GALNT13: variants seen among roughly 807,000 people sequenced by gnomAD.
GALNT13 encodes the protein polypeptide N-acetylgalactosaminyltransferase 13.
Under a neutral mutation model 64.2 loss-of-function variants are expected in GALNT13, and 28 were observed. The observed-to-expected ratio is 0.44, with a 90% CI of 0.32 to 0.60. GALNT13 has a LOEUF of 0.60. Among genes scored for constraint, GALNT13 ranks in the 20% least tolerant of loss-of-function variants. The probability of loss-of-function intolerance (pLI) is 0.05; values close to 1 mark genes in which losing one functional copy is unlikely to be tolerated. For synonymous variants in GALNT13, 214 were observed against 224.6 expected, an observed-to-expected ratio of 0.95 and a Z score of 0.42; for missense variants, 577 against 669.8, an observed-to-expected ratio of 0.86 and a Z score of 1.53.
intron 4 of GALNT13, among the ~76,000 whole-genome samples, chr2:154,201,530 C>T (rs1005423837): frequency 2.0e-5 from 3 of 152,022 alleles, no homozygotes; most frequent in Non-Finnish European, 2.9e-5. Flanking sequence ...AAGTGTCATG[C>T]GATTGGGCCC....
At chr2:153,760,737 T>C in the GALNT13 span, among the ~76,000 whole-genome samples, 1 of 152,126 alleles carries the variant, frequency 6.6e-6, no homozygotes, top group African/African-American at 2.4e-5. Context: ...ATATGTCTAT[T>C]ACATCCGTTT....
At chr2:153,246,991 T>C in the GALNT13 span, among the ~76,000 whole-genome samples, 1 of 152,148 alleles carries the variant, frequency 6.6e-6, no homozygotes, top group Non-Finnish European at 1.5e-5. Flanking sequence ...AAGCAGGGGT[T>C]GCAATCCTAG....
chr2:154,027,881 G>A (rs1459999082), intron 3 of GALNT13, among the ~76,000 whole-genome samples: 1 of 152,038 alleles, frequency 6.6e-6, no homozygotes, highest in East Asian at 1.9e-4. Context: ...AACAGTATTT[G>A]TTGTAAAAAT....
At chr2:153,590,904 G>A in the GALNT13 span, among the ~76,000 whole-genome samples, 1 of 152,034 alleles carries the variant, frequency 6.6e-6, no homozygotes, top group South Asian at 2.1e-4. Context: ...TTAGAAACTG[G>A]AATGAGATAA....
chr2:153,163,936 T>A, the GALNT13 span, among the ~76,000 whole-genome samples: 63 of 149,662 alleles, frequency 4.2e-4, no homozygotes, highest in East Asian at 0.012. Context: ...GAGAATGGCG[T>A]GAACCCGGGA....
intron 9 of GALNT13, among the ~76,000 whole-genome samples, chr2:154,344,243 T>C (rs1695935203): frequency 6.6e-6 from 1 of 151,930 alleles, no homozygotes; most frequent in Non-Finnish European, 1.5e-5. Context: ...AAATTAATGC[T>C]ACATAGTTAA....
chr2:153,892,955 A>C (rs1291559625), intron 1 of GALNT13, among the ~76,000 whole-genome samples: 1 of 152,080 alleles, frequency 6.6e-6, no homozygotes, highest in African/African-American at 2.4e-5. Flanking sequence ...GAGTGGCCTA[A>C]AGAAATTGGT....
At chr2:154,391,681 G>T (rs148108544) in intron 9 of GALNT13, among the ~76,000 whole-genome samples, 1 of 152,270 alleles carries the variant, frequency 6.6e-6, no homozygotes, top group Non-Finnish European at 1.5e-5. Context: ...TTATATTCCA[G>T]TCATTGTACT....
chr2:153,827,551 G>A, the GALNT13 span, among the ~76,000 whole-genome samples: 9 of 151,706 alleles, frequency 5.9e-5, no homozygotes, highest in East Asian at 3.9e-4. Context: ...GCATGAACCC[G>A]GGAGGCGGAG....
At chr2:153,961,931 T>C (rs1477376890) in intron 3 of GALNT13, among the ~76,000 whole-genome samples, 1 of 152,204 alleles carries the variant, frequency 6.6e-6, no homozygotes, top group African/African-American at 2.4e-5. Context: ...GCCTGGCTTA[T>C]AGTGGGTGCT....
At chr2:153,892,600 A>G (rs1454729900) in intron 1 of GALNT13, among the ~76,000 whole-genome samples, 1 of 152,058 alleles carries the variant, frequency 6.6e-6, no homozygotes, top group African/African-American at 2.4e-5. Flanking sequence ...ATTTCTAGAA[A>G]TTTATTTTTA....
chr2:154,105,634 A>T (rs1702573628), intron 3 of GALNT13, among the ~76,000 whole-genome samples: 1 of 152,158 alleles, frequency 6.6e-6, no homozygotes, highest in South Asian at 2.1e-4. Context: ...ACTCATTGTT[A>T]AGTGATGCAT....
the GALNT13 span, among the ~76,000 whole-genome samples, chr2:153,219,179 C>A: frequency 1.3e-5 from 2 of 152,202 alleles, no homozygotes; most frequent in African/African-American, 4.8e-5. Context: ...CCAATTTAGT[C>A]ATGTTCTCTG....
At chr2:153,200,215 C>A in the GALNT13 span, among the ~76,000 whole-genome samples, 1 of 152,326 alleles carries the variant, frequency 6.6e-6, no homozygotes, top group African/African-American at 2.4e-5. Flanking sequence ...ATACTGAAGA[C>A]AATCTAAGAC....
rs150478169 is a variant in GALNT13, at chr2:154,050,485, G to A, written c.143-89852G>A. On this transcript the variant is annotated intron_variant, in intron 3 of 12. Transcript: ENST00000392825. The stretch of plus-strand genomic sequence containing the variant: ...ATGTATAATTTCCCCTGGGAAAATC[G>A]TTGATAGCTTGATAAAGACAGCCAA... 3.6e-3 allele frequency among the ~76,000 whole-genome samples: 548 copies of A among 152,220 alleles called. 8 individuals are homozygous for A. Among genetic ancestry groups the A allele is most frequent in the African/African-American group, 0.012 (516 of 41,534 alleles).
At chr2:153,341,756 A>G in the GALNT13 span, among the ~76,000 whole-genome samples, 1 of 152,228 alleles carries the variant, frequency 6.6e-6, no homozygotes, top group African/African-American at 2.4e-5. Flanking sequence ...GACAGGAAAA[A>G]GGTAAAAAAT....
rs986522567 is a variant in GALNT13 at position 154,090,490 on chromosome 2, A to G, written c.143-49847A>G. ...AAATATCAGCACAAAAGAAATGTCA[A>G]ACTTGATTTACCCATTCCATTCTTT... is the stretch of plus-strand genomic sequence containing the variant. On this transcript the variant is annotated intron_variant, in intron 3 of 12. Coordinates refer to ENST00000392825, the MANE Select transcript of GALNT13 (RefSeq NM_052917.4). 2.2e-4 allele frequency among the ~76,000 whole-genome samples: 34 copies of G among 152,210 alleles called. 1 individual carries two copies. Among genetic ancestry groups the G allele is most frequent in the African/African-American group, 6.7e-4 (28 of 41,566 alleles).
chr2:153,141,453 G>A, the GALNT13 span, among the ~76,000 whole-genome samples: 1 of 152,014 alleles, frequency 6.6e-6, no homozygotes, highest in Non-Finnish European at 1.5e-5. Context: ...CAGGGTAGAG[G>A]AAGAGGCCTC....
At chr2:154,392,816 A>C (rs942641183) in intron 9 of GALNT13, among the ~76,000 whole-genome samples, 2 of 152,202 alleles carry the variant, frequency 1.3e-5, no homozygotes, top group South Asian at 2.1e-4. Context: ...AGAGGAATGT[A>C]AAATGTTTTG....
Sources: gnomAD v4.1 joint callset for allele counts (sites outside exome capture counted in the v4.1 genomes callset) on GRCh38, gnomAD v4.1.1 for gene constraint, MANE v1.5 for transcripts, NCBI Gene and HGNC (gene_info 2026-07-23, HGNC 2026-07-21) for gene names.